The following PARD3B variants were observed in gnomAD, a reference collection of about 807,000 sequenced individuals.
PARD3B encodes partitioning defective 3 homolog B.
A neutral mutation model predicts 130.2 loss-of-function variants in PARD3B; 103 were observed. The ratio of observed to expected loss-of-function variants is 0.79; its 90% CI spans 0.67 to 0.93. The LOEUF (loss-of-function observed/expected upper bound fraction) is 0.93. PARD3B is among the 40% of genes least tolerant of loss of function. PARD3B has a pLI of 0.00. For missense variants in PARD3B, 1,609 were observed against 1,499.2 expected (o/e 1.07, Z -1.21); for synonymous variants, 583 against 553.2 (o/e 1.05, Z -0.76).
At chr2:205,071,627 C>T (rs55648232) in intron 4 of PARD3B, among the ~76,000 whole-genome samples, 30,105 of 152,084 alleles carry the variant, frequency 0.2, 4,001 homozygotes, top group South Asian at 0.43. Context: ...AATAACAGCA[C>T]TGCTGTTAGT....
In PARD3B at chr2:205,015,790, TG is replaced by T. The variant is rs1393791619; in HGVS notation, c.395-31790del. Among the ~76,000 whole-genome samples, 1 of 152,198 alleles carries T rather than the reference TG, an allele frequency of 6.6e-6. No individual in the cohort carries two copies. The highest frequency in any genetic ancestry group is 2.4e-5 in the African/African-American group (1 of 41,466). Reference sequence around the variant, plus strand: ...TTTGCATGCCCAGGCCTCAGCACCTTGCCTGGCACACAGCTGTTCAATGAGT... The same window carrying T: ...TTTGCATGCCCAGGCCTCAGCACCTTCCTGGCACACAGCTGTTCAATGAGT... On this transcript the variant is annotated intron_variant, in intron 3 of 22. Coordinates refer to ENST00000406610, the MANE Select transcript of PARD3B (RefSeq NM_001302769.2). This position sits in a 1 kb window ranked among gnomAD's most constrained non-coding sequence, Gnocchi z 4.5.
At chr2:205,315,742 A>C (rs1200389297) in intron 18 of PARD3B, among the ~76,000 whole-genome samples, 1 of 152,078 alleles carries the variant, frequency 6.6e-6, no homozygotes, top group Non-Finnish European at 1.5e-5. Flanking sequence ...TGTTACCCAA[A>C]ACAAGCTTTG....
In PARD3B at chr2:204,634,244, T is replaced by C. The variant is rs926039122; in HGVS notation, c.121-51937T>C. Among the ~76,000 whole-genome samples, 3 of 152,184 alleles carry C rather than the reference T, an allele frequency of 2.0e-5. 1 individual carries two copies. In the South Asian group the frequency reaches 6.2e-4, roughly 32 times the overall value. ...CACAAATAAGTGAGAACATGCGATG[T>C]TGGTCTTCCTGTGGCTGGCCTATTT... On this transcript the variant is annotated intron_variant, in intron 1 of 22. Coordinates refer to ENST00000406610, the MANE Select transcript of PARD3B (RefSeq NM_001302769.2).
At chr2:204,871,385 A>G (rs2125648042) in intron 2 of PARD3B, among the ~76,000 whole-genome samples, 1 of 152,244 alleles carries the variant, frequency 6.6e-6, no homozygotes, top group South Asian at 2.1e-4. Context: ...ATCCTGATCT[A>G]TCCTTCAATT....
intron 2 of PARD3B, among the ~76,000 whole-genome samples, chr2:204,940,266 A>C (rs1688799034): frequency 1.3e-5 from 2 of 152,172 alleles, no homozygotes; most frequent in African/African-American, 2.4e-5. Context: ...ATGTTATTTC[A>C]TGTTCATCTA....
intron 20 of PARD3B, among the ~76,000 whole-genome samples, chr2:205,484,388 G>A (rs773445645): frequency 1.3e-5 from 2 of 152,040 alleles, no homozygotes; most frequent in Non-Finnish European, 2.9e-5. Context: ...CTGCCTTTTG[G>A]CCTTTTTTCT....
At chr2:205,612,056 A>G (rs1207446841) in intron 22 of PARD3B, among the ~76,000 whole-genome samples, 1 of 152,156 alleles carries the variant, frequency 6.6e-6, no homozygotes, top group Admixed American at 6.5e-5. Context: ...AAATAAAGAG[A>G]CTATGAAAAG....
chr2:205,500,495 T>G (rs1482994083), intron 21 of PARD3B, among the ~76,000 whole-genome samples: 1 of 152,142 alleles, frequency 6.6e-6, no homozygotes, highest in Non-Finnish European at 1.5e-5. Flanking sequence ...GATGGATTTG[T>G]TTTGAGATAA....
chr2:205,607,182 G>A (rs1351244867), intron 22 of PARD3B, among the ~76,000 whole-genome samples: 1 of 151,764 alleles, frequency 6.6e-6, no homozygotes, highest in Non-Finnish European at 1.5e-5. Flanking sequence ...TGCTCTTTCT[G>A]CAAGCACCAT....
chr2:205,465,321 A>C (rs563539245), intron 20 of PARD3B, among the ~76,000 whole-genome samples: 29 of 152,290 alleles, frequency 1.9e-4, no homozygotes, highest in African/African-American at 6.3e-4. Flanking sequence ...TAGTATTCCC[A>C]AGGTACAAAC....
chr2:205,329,227 G>A (rs540300531), intron 18 of PARD3B, among the ~76,000 whole-genome samples: 14 of 152,160 alleles, frequency 9.2e-5, no homozygotes, highest in Admixed American at 3.9e-4. Flanking sequence ...TATTTTTCAT[G>A]TGCTTATGTC....
chr2:204,699,673 T>A (rs2037794967), intron 2 of PARD3B, among the ~76,000 whole-genome samples: 1 of 152,004 alleles, frequency 6.6e-6, no homozygotes, highest in Non-Finnish European at 1.5e-5. Flanking sequence ...CAACAAAGAA[T>A]AATGTGATAG....
intron 10 of PARD3B, among the ~76,000 whole-genome samples, chr2:205,156,274 G>GGT (rs2034140699): frequency 7.2e-6 from 1 of 139,164 alleles, no homozygotes; most frequent in African/African-American, 2.7e-5. Context: ...GGGTGGGCGG[G>GGT]GGGGGGAGGA....
At chr2:205,439,310 G>C (rs1177350774) in intron 19 of PARD3B, among the ~76,000 whole-genome samples, 1 of 151,990 alleles carries the variant, frequency 6.6e-6, no homozygotes, top group Non-Finnish European at 1.5e-5. Flanking sequence ...ATCTATTCTT[G>C]ACTTTCTTTA....
intron 15 of PARD3B, among the ~76,000 whole-genome samples, chr2:205,217,083 A>T (rs1025028516): frequency 3.9e-5 from 6 of 152,158 alleles, no homozygotes; most frequent in African/African-American, 1.4e-4. Context: ...AATTCAGGAA[A>T]TCCAGTATCA....
At chr2:205,561,207 T>C (rs546267944) in intron 22 of PARD3B, among the ~76,000 whole-genome samples, 4 of 152,208 alleles carry the variant, frequency 2.6e-5, no homozygotes, top group Admixed American at 6.5e-5. Flanking sequence ...TACAATGAAC[T>C]TCTGCTTCAT....
chr2:205,518,759 T>G (rs1446259872), intron 21 of PARD3B, among the ~76,000 whole-genome samples: 3 of 152,226 alleles, frequency 2.0e-5, no homozygotes, highest in Non-Finnish European at 2.9e-5. Flanking sequence ...CAAGATTTCT[T>G]GTAAGGCAGG....
At chr2:204,792,801 C>A (rs1480898098) in intron 2 of PARD3B, among the ~76,000 whole-genome samples, 1 of 152,150 alleles carries the variant, frequency 6.6e-6, no homozygotes, top group East Asian at 1.9e-4. Flanking sequence ...TGTGTTTCAG[C>A]TAATTTCGAT....
At chr2:205,611,881 C>T (rs2055243060) in intron 22 of PARD3B, among the ~76,000 whole-genome samples, 1 of 152,110 alleles carries the variant, frequency 6.6e-6, no homozygotes, top group South Asian at 2.1e-4. Flanking sequence ...AATACTGATA[C>T]ATTTGTTATG....
Sources: gnomAD v4.1 joint callset for allele counts (sites outside exome capture counted in the v4.1 genomes callset) on GRCh38, gnomAD v4.1.1 for gene constraint, Gnocchi (gnomAD v3.1) non-coding constraint, MANE v1.5 for transcripts, NCBI Gene and HGNC (gene_info 2026-07-23, HGNC 2026-07-21) for gene names.